NOPCHAP1: variants seen among roughly 807,000 people sequenced by gnomAD.
NOPCHAP1 encodes the protein NOP protein chaperone 1.
NOPCHAP1 carries 13 observed loss-of-function variants against 14.0 expected under a neutral mutation model. That is an observed-to-expected ratio of 0.93 (90% confidence interval 0.60 to 1.47). The LOEUF (loss-of-function observed/expected upper bound fraction) is 1.47. NOPCHAP1 is among the 40% of genes most tolerant of loss of function. The pLI, the probability that NOPCHAP1 is intolerant of heterozygous loss-of-function variation, is 0.00. For synonymous variants in NOPCHAP1, 78 were observed against 78.4 expected (o/e 1.00, Z 0.03); for missense variants, 230 against 226.9 (o/e 1.01, Z -0.09).
intron 2 of NOPCHAP1, among the ~76,000 whole-genome samples, chr12:104,990,527 C>T (rs1255215519): frequency 1.3e-5 from 2 of 152,122 alleles, no homozygotes; most frequent in African/African-American, 2.4e-5. Context: ...AAATAGAGGT[C>T]GTCTACTTGA....
At chr12:104,987,235 C>T (rs1415082301) in intron 1 of NOPCHAP1, among the ~76,000 whole-genome samples, 1 of 152,200 alleles carries the variant, frequency 6.6e-6, no homozygotes, top group Non-Finnish European at 1.5e-5. Flanking sequence ...TTATGTAGTC[C>T]TTACTATGTA....
At position 104,994,520 on chromosome 12, in the gene NOPCHAP1, G is replaced by C. The variant is rs777336739; in HGVS notation, c.382G>C (p.Val128Leu). 6.2e-7 allele frequency: 1 copy of C among 1,613,802 alleles called. No homozygotes were observed. Among genetic ancestry groups the C allele is most frequent in the Admixed American group, 1.7e-5 (1 of 59,994 alleles). The change falls in exon 4 of 4, where the codon GTG becomes CTG. Residue 128 changes from valine (V) to leucine (L), a missense_variant. Transcript: ENST00000552951. ...GATGAATCAGTCGGATTCAAAAGAA[G>C]TGGACAGTTCAGAAGAGAGTTCACA... Reference protein sequence around the residue: ...FEMNQSDSKEVDSSEESSQDS... With the variant: ...FEMNQSDSKELDSSEESSQDS...
chr12:104,988,388 C>A, intron 2 of NOPCHAP1, 135 bp downstream of exon 2: 2 of 590,320 alleles, frequency 3.4e-6, no homozygotes, highest in Non-Finnish European at 5.9e-6. Context: ...TTGGGATTTA[C>A]ATGATAAAGT....
chr12:104,997,882 GT>G lies in NOPCHAP1; in HGVS notation c.*3190del, dbSNP rs1410588492. Reference sequence around the variant, plus strand: ...TTTCATAATCCCATATTTCTCGGAAGTTTTGTCCATTCTTTATTGTTTTTTT... The same window carrying G: ...TTTCATAATCCCATATTTCTCGGAAGTTTGTCCATTCTTTATTGTTTTTTT... On this transcript the variant is annotated 3_prime_UTR_variant, in exon 4 of 4. Coordinates refer to ENST00000552951, the MANE Select transcript of NOPCHAP1 (RefSeq NM_152318.3). The G allele has an allele frequency of 1.3e-5, 2 of 152,154 alleles. No homozygotes were observed. The highest frequency in any genetic ancestry group is 1.3e-4 in the Admixed American group (2 of 15,268). The allele number at this position is 152,154 out of a possible 1,614,324, so 9.4% of individuals were successfully genotyped here.
chr12:105,008,575 G>A lies in NOPCHAP1; in HGVS notation c.*13879G>A, dbSNP rs1192937309. ...CTCTGCCAATGTCTGTGTCCTAAAT[G>A]GTATTGCCTAGGTTTTCTTCTAGGG... On this transcript the variant is annotated 3_prime_UTR_variant, in exon 4 of 4. Transcript: ENST00000552951. The A allele has an allele frequency of 6.6e-6, 1 of 152,148 alleles. No homozygotes were observed. The highest frequency in any genetic ancestry group is 1.5e-5 in the Non-Finnish European group (1 of 68,026). 9.4% of individuals were successfully genotyped at this position (152,148 alleles called of 1,614,324 possible). A position where few individuals can be genotyped will look rare whatever the true frequency, so the allele number is the denominator to read the frequency against.
chr12:105,012,491 A>T lies in NOPCHAP1; in HGVS notation c.*17795A>T, dbSNP rs1423344626. ...TGCCTTCTGAAGCCTACTTCTGTCA[A>T]TTCGTCAAACTTATTCTCTGTCCAG... On this transcript the variant is annotated 3_prime_UTR_variant, in exon 4 of 4. Transcript: ENST00000552951. 1 of 152,180 alleles carries T rather than the reference A, an allele frequency of 6.6e-6. No homozygotes were observed. Among genetic ancestry groups the T allele is most frequent in the African/African-American group, 2.4e-5 (1 of 41,436 alleles). The allele number at this position is 152,180 out of a possible 1,614,324, so 9.4% of individuals were successfully genotyped here.
At position 105,017,480 on chromosome 12, in the gene NOPCHAP1, CAG is replaced by C. The variant is rs1423673790; in HGVS notation, c.*22790_*22791del. On this transcript the variant is annotated 3_prime_UTR_variant, in exon 4 of 4. Transcript: ENST00000552951. ...TGCCACTGCACTCCAGCCTGGGTGA[CAG>C]AGAGACAGACTGTCTCAAAAAAAAA... The C allele has an allele frequency of 1.9e-5, 2 of 106,698 alleles. No individual in the cohort carries two copies. Among genetic ancestry groups the C allele is most frequent in the Non-Finnish European group, 3.4e-5 (2 of 58,024 alleles). The allele number at this position is 106,698 out of a possible 1,614,324, so 6.6% of individuals were successfully genotyped here. A position where few individuals can be genotyped will look rare whatever the true frequency, so the allele number is the denominator to read the frequency against.
In NOPCHAP1 at chr12:105,004,615, TAACCTAGTTTTTTTAGGTTATTATAAAG is replaced by T. The variant is rs1335389465; in HGVS notation, c.*9920_*9947del. ...TTTTAAATTATCTGTTTGAATAAAA[TAACCTAGTTTTTTTAGGTTATTATAAAG>T]TCAAACTTGTCACCATCAAGATGGG... On this transcript the variant is annotated 3_prime_UTR_variant, in exon 4 of 4. Coordinates refer to ENST00000552951, the MANE Select transcript of NOPCHAP1 (RefSeq NM_152318.3). 1 of 152,142 alleles carries T rather than the reference TAACCTAGTTTTTTTAGGTTATTATAAAG, an allele frequency of 6.6e-6. No individual in the cohort carries two copies. The highest frequency in any genetic ancestry group is 1.5e-5 in the Non-Finnish European group (1 of 68,018). The allele number at this position is 152,142 out of a possible 1,614,324, so 9.4% of individuals were successfully genotyped here.
Position 105,016,159 on chromosome 12 carries a change from A to G in NOPCHAP1, c.*21463A>G, listed in dbSNP as rs1038627008. ...CATGACAGAGTGTCATTAATATATC[A>G]TGGGCTTTTACATTTTAGAAAAAAA... is the stretch of plus-strand genomic sequence containing the variant. On this transcript the variant is annotated 3_prime_UTR_variant, in exon 4 of 4. Transcript: ENST00000552951. 2 of 152,192 alleles carry G rather than the reference A, an allele frequency of 1.3e-5. No individual in the cohort carries two copies. The highest frequency in any genetic ancestry group is 4.8e-5 in the African/African-American group (2 of 41,452). The allele number at this position is 152,192 out of a possible 1,614,324, so 9.4% of individuals were successfully genotyped here. A position where few individuals can be genotyped will look rare whatever the true frequency, so the allele number is the denominator to read the frequency against.
At chr12:104,986,584 C>A in intron 1 of NOPCHAP1, 117 bp downstream of exon 1, 1 of 821,458 alleles carries the variant, frequency 1.2e-6, no homozygotes, top group Non-Finnish European at 1.8e-6. Flanking sequence ...TCGAGGGGAG[C>A]CCCGGGGACT....
In NOPCHAP1 at chr12:104,997,476, A is replaced by G. The variant is rs1032573469; in HGVS notation, c.*2780A>G. ...AGCACATTGTGCACATGTACCCTAAAACTTAAAGTATAATAATAAAAATAA... is the reference window on the plus strand; with the variant it reads ...AGCACATTGTGCACATGTACCCTAAGACTTAAAGTATAATAATAAAAATAA... On this transcript the variant is annotated 3_prime_UTR_variant, in exon 4 of 4. Transcript: ENST00000552951. 2.6e-5 allele frequency: 4 copies of G among 152,238 alleles called. No homozygotes were observed. The highest frequency in any genetic ancestry group is 2.0e-4 in the Admixed American group (3 of 15,284). 9.4% of individuals were successfully genotyped at this position (152,238 alleles called of 1,614,324 possible). A position where few individuals can be genotyped will look rare whatever the true frequency, so the allele number is the denominator to read the frequency against.
rs1223897572 is a variant in NOPCHAP1, at chr12:105,002,295, G to A, written c.*7599G>A. ...TTTACTTACTCTATTCTCTCAAAAT[G>A]TTGGGCTAGGGCCACCAATTCAATC... On this transcript the variant is annotated 3_prime_UTR_variant, in exon 4 of 4. Coordinates refer to ENST00000552951, the MANE Select transcript of NOPCHAP1 (RefSeq NM_152318.3). The A allele has an allele frequency of 1.3e-5, 2 of 152,188 alleles. No individual in the cohort carries two copies. Among genetic ancestry groups the A allele is most frequent in the African/African-American group, 2.4e-5 (1 of 41,434 alleles). The allele number at this position is 152,188 out of a possible 1,614,324, so 9.4% of individuals were successfully genotyped here.
At position 105,000,838 on chromosome 12, in the gene NOPCHAP1, C is replaced by G. The variant is rs1454019022; in HGVS notation, c.*6142C>G. On this transcript the variant is annotated 3_prime_UTR_variant, in exon 4 of 4. Coordinates refer to ENST00000552951, the MANE Select transcript of NOPCHAP1 (RefSeq NM_152318.3). Reference sequence around the variant, plus strand: ...TATACTTTGGCATAATACATTAAGGCCTTGCAGTATTTAGTCATGTCAGTT... The same window carrying G: ...TATACTTTGGCATAATACATTAAGGGCTTGCAGTATTTAGTCATGTCAGTT... 6.6e-6 allele frequency: 1 copy of G among 151,666 alleles called. No homozygotes were observed. Among genetic ancestry groups the G allele is most frequent in the African/African-American group, 2.4e-5 (1 of 41,218 alleles). The allele number at this position is 151,666 out of a possible 1,614,324, so 9.4% of individuals were successfully genotyped here.
In NOPCHAP1 at chr12:105,000,113, A is replaced by G. The variant is rs1219419907; in HGVS notation, c.*5417A>G. Reference sequence around the variant, plus strand: ...TTAATCCAATGACATTATACAAATAATCACCGGTGCCCACATAGATAGTCC... The same window carrying G: ...TTAATCCAATGACATTATACAAATAGTCACCGGTGCCCACATAGATAGTCC... On this transcript the variant is annotated 3_prime_UTR_variant, in exon 4 of 4. Transcript: ENST00000552951. 6.6e-6 allele frequency: 1 copy of G among 152,218 alleles called. No homozygotes were observed. Among genetic ancestry groups the G allele is most frequent in the Non-Finnish European group, 1.5e-5 (1 of 68,034 alleles). 9.4% of individuals were successfully genotyped at this position (152,218 alleles called of 1,614,324 possible). A position where few individuals can be genotyped will look rare whatever the true frequency, so the allele number is the denominator to read the frequency against.
In NOPCHAP1 at chr12:104,988,243, G is replaced by A. The variant is rs1200501427; in HGVS notation, c.192G>A (p.Glu64=). The change falls in exon 2 of 4, where the codon GAG becomes GAA. Residue 64 remains glutamate, a synonymous_variant. Transcript: ENST00000552951. The part of the protein sequence containing the change: ...KTSTLQTVRI[E]RSPLLDQVQT... ...CCACTCTTCAAACAGTTCGGATAGAGAGGAGTCCCTGTAAGTACCTCTTCC... is the reference window on the plus strand; with the variant it reads ...CCACTCTTCAAACAGTTCGGATAGAAAGGAGTCCCTGTAAGTACCTCTTCC... 1 of 1,610,732 alleles carries A rather than the reference G, an allele frequency of 6.2e-7. No homozygotes were observed. Among genetic ancestry groups the A allele is most frequent in the Admixed American group, 1.7e-5 (1 of 59,896 alleles).
chr12:104,992,607 A>T (rs572685782), intron 3 of NOPCHAP1, among the ~76,000 whole-genome samples: 10 of 152,264 alleles, frequency 6.6e-5, no homozygotes, highest in Admixed American at 2.0e-4. Context: ...CCCAACCCCC[A>T]GGCTGTGGAC....
intron 2 of NOPCHAP1, among the ~76,000 whole-genome samples, chr12:104,988,604 T>C (rs750443586): frequency 1.3e-5 from 2 of 152,226 alleles, no homozygotes; most frequent in African/African-American, 2.4e-5. Context: ...GACACAATTA[T>C]TTAAATGATA....
At position 105,014,284 on chromosome 12, in the gene NOPCHAP1, A is replaced by G. The variant is rs1045485148; in HGVS notation, c.*19588A>G. On this transcript the variant is annotated 3_prime_UTR_variant, in exon 4 of 4. Coordinates refer to ENST00000552951, the MANE Select transcript of NOPCHAP1 (RefSeq NM_152318.3). ...TTCTAACTTTTTATAATAGATTTAT[A>G]TATTTTTTATGGTAGAAATGATGAG... 2 of 152,122 alleles carry G rather than the reference A, an allele frequency of 1.3e-5. No homozygotes were observed. The highest frequency in any genetic ancestry group is 2.9e-5 in the Non-Finnish European group (2 of 68,042). 9.4% of individuals were successfully genotyped at this position (152,122 alleles called of 1,614,324 possible). A position where few individuals can be genotyped will look rare whatever the true frequency, so the allele number is the denominator to read the frequency against.
Position 104,993,937 on chromosome 12 carries a change from A to G in NOPCHAP1, c.340-541A>G, listed in dbSNP as rs572002053. Among the ~76,000 whole-genome samples the G allele has an allele frequency of 3.3e-5, 5 of 152,336 alleles. No individual in the cohort carries two copies. The East Asian group carries it at 9.6e-4, about 29-fold the overall frequency. On this transcript the variant is annotated intron_variant, in intron 3 of 3. Coordinates refer to ENST00000552951, the MANE Select transcript of NOPCHAP1 (RefSeq NM_152318.3). The stretch of plus-strand genomic sequence containing the variant: ...GAATGTTGTTGAATGTGTTTAGGGT[A>G]TATAGAATTGGGCCGTAGCAGATAT...
Sources: allele counts gnomAD v4.1 joint callset (sites outside exome capture counted in the v4.1 genomes callset), GRCh38; gene constraint gnomAD v4.1.1; transcripts MANE v1.5; gene names NCBI Gene and HGNC (gene_info 2026-07-23, HGNC 2026-07-21).